MDGA2: variants seen among roughly 807,000 people sequenced by gnomAD.
The protein encoded by MDGA2 is MAM domain-containing glycosylphosphatidylinositol anchor protein 2.
Under a neutral mutation model 117.8 loss-of-function variants are expected in MDGA2, and 40 were observed. The observed-to-expected ratio is 0.34, with a 90% CI of 0.26 to 0.44. The LOEUF (loss-of-function observed/expected upper bound fraction) is 0.44. Ranked by LOEUF, MDGA2 falls within the 20% of genes least tolerant of loss-of-function variation. MDGA2 has a pLI of 1.00. For synonymous variants in MDGA2, 452 were observed against 439.0 expected (o/e 1.03, Z -0.37); for missense variants, 1,123 against 1,250.6 (o/e 0.90, Z 1.54).
intron 1 of MDGA2, among the ~76,000 whole-genome samples, chr14:47,319,010 A>C (rs967739936): frequency 6.6e-6 from 1 of 152,162 alleles, no homozygotes; most frequent in Admixed American, 6.5e-5. Flanking sequence ...CTTTCCTTTA[A>C]CCTGAGGAGT....
chr14:46,907,402 C>T (rs1393677037), intron 10 of MDGA2, among the ~76,000 whole-genome samples: 1 of 152,068 alleles, frequency 6.6e-6, no homozygotes, highest in African/African-American at 2.4e-5. Context: ...TTGCAAAATG[C>T]CAATTCTCTC....
intron 1 of MDGA2, among the ~76,000 whole-genome samples, chr14:47,371,420 T>C (rs1202823697): frequency 6.6e-6 from 1 of 151,796 alleles, no homozygotes; most frequent in Non-Finnish European, 1.5e-5. Context: ...TCTCCAGTCA[T>C]GAACTATATT....
In MDGA2 at chr14:46,932,423, A is replaced by C. The variant is rs142997007; in HGVS notation, c.2090-12263T>G. 2.2e-3 allele frequency among the ~76,000 whole-genome samples: 333 copies of C among 152,248 alleles called. 1 individual carries two copies. The highest frequency in any genetic ancestry group is 7.6e-3 in the African/African-American group (316 of 41,578). ...ATATTCACAGAATGTATGTTTATAAAAATATATACTTGAAAAGTTATTTAA... is the reference window on the plus strand; with the variant it reads ...ATATTCACAGAATGTATGTTTATAACAATATATACTTGAAAAGTTATTTAA... On this transcript the variant is annotated intron_variant, in intron 9 of 16. Coordinates refer to ENST00000399232, the MANE Select transcript of MDGA2 (RefSeq NM_001113498.3).
At chr14:46,956,898 A>C (rs2138628814) in intron 9 of MDGA2, among the ~76,000 whole-genome samples, 1 of 152,078 alleles carries the variant, frequency 6.6e-6, no homozygotes, top group East Asian at 1.9e-4. Flanking sequence ...GATAGTTTAA[A>C]AGTGTGTGAC....
At chr14:46,871,797 T>C (rs1055976197) in intron 14 of MDGA2, 8 of 249,360 alleles carry the variant, frequency 3.2e-5, no homozygotes, top group Admixed American at 1.8e-4. Flanking sequence ...GATGAAGTGC[T>C]ACAGCCAAGT....
chr14:47,525,222 CACTT>C lies in MDGA2; in HGVS notation c.280+149291_280+149294del, dbSNP rs566991503. ...TTTTTTAAGACTACGGTAATTGTCT[CACTT>C]ACTCGTTTCTGGTTTAACGTTCCCA... is the stretch of plus-strand genomic sequence containing the variant. On this transcript the variant is annotated intron_variant, in intron 1 of 16. Coordinates refer to ENST00000399232, the MANE Select transcript of MDGA2 (RefSeq NM_001113498.3). Among the ~76,000 whole-genome samples, 53 of 152,340 alleles carry C rather than the reference CACTT, an allele frequency of 3.5e-4. No individual in the cohort carries two copies. In the South Asian group the frequency reaches 6.4e-3, roughly 18 times the overall value.
At chr14:47,608,885 A>T (rs1013259233) in intron 1 of MDGA2, among the ~76,000 whole-genome samples, 3 of 152,014 alleles carry the variant, frequency 2.0e-5, no homozygotes, top group Non-Finnish European at 4.4e-5. Flanking sequence ...GGATATTTGT[A>T]GAAGCAGAAC....
At chr14:47,494,996 GTGTA>G (rs1894251551) in intron 1 of MDGA2, among the ~76,000 whole-genome samples, 1 of 151,240 alleles carries the variant, frequency 6.6e-6, no homozygotes, top group Admixed American at 6.6e-5. Flanking sequence ...GTATTCTATA[GTGTA>G]TGTATGTGTG....
intron 1 of MDGA2, among the ~76,000 whole-genome samples, chr14:47,609,266 T>G (rs1236002855): frequency 1.3e-5 from 2 of 150,374 alleles, no homozygotes; most frequent in Non-Finnish European, 3.0e-5. Flanking sequence ...ATTCTTATGC[T>G]TTTGCGTCCT....
intron 16 of MDGA2, among the ~76,000 whole-genome samples, chr14:46,844,759 T>C (rs1042878689): frequency 2.0e-5 from 3 of 152,130 alleles, no homozygotes; most frequent in Non-Finnish European, 1.5e-5. Context: ...TGAAATATAA[T>C]CCGCATAATC....
chr14:47,057,191 C>T (rs1450206871), intron 7 of MDGA2, among the ~76,000 whole-genome samples: 1 of 152,116 alleles, frequency 6.6e-6, no homozygotes, highest in Non-Finnish European at 1.5e-5. Flanking sequence ...GTCACTAGCG[C>T]AATGCTACTT....
Position 46,855,024 on chromosome 14 carries a change from C to T in MDGA2, c.2883G>A (p.Gln961=). Reference sequence around the variant, plus strand: ...AATTAGCCAAAACTACTTTTCTTACCTGAAATGAAGTAATTGGGTATATAT... The same window carrying T: ...AATTAGCCAAAACTACTTTTCTTACTTGAAATGAAGTAATTGGGTATATAT... ...HVNIYPITSF[Q]LIFEGIRGPG... The change falls in exon 15 of 17, where the codon CAG becomes CAA. Residue 961 remains glutamine (Q), a splice_region_variant and synonymous_variant. Coordinates refer to ENST00000399232, the MANE Select transcript of MDGA2 (RefSeq NM_001113498.3). The surrounding 1 kb of genome is among the most constrained non-coding windows in gnomAD (Gnocchi z 4.1). The T allele has an allele frequency of 6.3e-7, 1 of 1,588,936 alleles. No individual in the cohort carries two copies. Among genetic ancestry groups the T allele is most frequent in the Non-Finnish European group, 8.5e-7 (1 of 1,170,576 alleles).
chr14:47,555,023 G>A (rs962349931), intron 1 of MDGA2, among the ~76,000 whole-genome samples: 1 of 152,012 alleles, frequency 6.6e-6, no homozygotes, highest in Non-Finnish European at 1.5e-5. Context: ...GCCTATAAAC[G>A]TTATGGGAAA....
At chr14:47,274,935 A>C (rs1678478985) in intron 2 of MDGA2, among the ~76,000 whole-genome samples, 1 of 152,106 alleles carries the variant, frequency 6.6e-6, no homozygotes, top group Admixed American at 6.6e-5. Flanking sequence ...TTGAGTTGTA[A>C]GAGTTCTTTA....
intron 7 of MDGA2, among the ~76,000 whole-genome samples, chr14:47,049,683 TG>T (rs1439014638): frequency 1.1e-4 from 16 of 152,150 alleles, no homozygotes; most frequent in African/African-American, 3.9e-4. Flanking sequence ...AATTCATGGA[TG>T]TAGAAACCCT....
intron 1 of MDGA2, chr14:47,342,954 C>T (rs895420883): frequency 3.3e-6 from 2 of 608,522 alleles, no homozygotes; most frequent in South Asian, 1.5e-5. Flanking sequence ...TCTGAAGTCA[C>T]AGTAGTAGGA....
rs920340045 is a variant in MDGA2, at chr14:47,240,189, C to T, written c.421-21994G>A. Among the ~76,000 whole-genome samples, 8 of 151,510 alleles carry T rather than the reference C, an allele frequency of 5.3e-5. No homozygotes were observed. In the South Asian group the frequency reaches 1.5e-3, roughly 28 times the overall value. On this transcript the variant is annotated intron_variant, in intron 2 of 16. Transcript: ENST00000399232. ...CCTCCTCAGTAGCTGGGATTACAGG[C>T]GTGCACCACCAATCCCAGCTAATTT...
chr14:47,529,485 A>G (rs1168609820), intron 1 of MDGA2, among the ~76,000 whole-genome samples: 1 of 152,156 alleles, frequency 6.6e-6, no homozygotes, highest in Admixed American at 6.5e-5. Flanking sequence ...TTGTGTTACA[A>G]ACAATCCAAT....
intron 9 of MDGA2, among the ~76,000 whole-genome samples, chr14:46,923,253 A>T (rs1480059320): frequency 3.3e-5 from 5 of 152,142 alleles, no homozygotes; most frequent in Non-Finnish European, 5.9e-5. Context: ...AGACTTTCCA[A>T]TGTATTTTTT....
Sources: allele counts gnomAD v4.1 joint callset (sites outside exome capture counted in the v4.1 genomes callset), GRCh38; gene constraint gnomAD v4.1.1; non-coding constraint Gnocchi (gnomAD v3.1); transcripts MANE v1.5; gene names NCBI Gene and HGNC (gene_info 2026-07-23, HGNC 2026-07-21).